GUCY2C: variants seen among roughly 807,000 people sequenced by gnomAD.
GUCY2C encodes guanylate cyclase 2C.
GUCY2C carries 118 observed loss-of-function variants against 131.1 expected under a neutral mutation model. The observed-to-expected ratio is 0.90, with a 90% CI of 0.78 to 1.05. The LOEUF (loss-of-function observed/expected upper bound fraction) is 1.05. Among genes scored for constraint, GUCY2C ranks in the 50% least tolerant of loss-of-function variants. The pLI, the probability that GUCY2C is intolerant of heterozygous loss-of-function variation, is 0.00. For missense variants in GUCY2C, 1,161 were observed against 1,304.4 expected (o/e 0.89, Z 1.69); for synonymous variants, 452 against 457.8 (o/e 0.99, Z 0.16).
intron 15 of GUCY2C, among the ~76,000 whole-genome samples, chr12:14,650,785 G>C (rs1947637582): frequency 6.6e-6 from 1 of 152,122 alleles, no homozygotes; most frequent in South Asian, 2.1e-4. Context: ...TTAATCCAAA[G>C]AAAGAGCCCT....
chr12:14,663,888 A>G (rs1410634969), intron 10 of GUCY2C, among the ~76,000 whole-genome samples: 2 of 152,220 alleles, frequency 1.3e-5, no homozygotes, highest in African/African-American at 4.8e-5. Context: ...AGGTGCTTGG[A>G]CATTAAAATA....
chr12:14,616,048 T>G (rs2136969528), intron 25 of GUCY2C, among the ~76,000 whole-genome samples: 1 of 152,240 alleles, frequency 6.6e-6, no homozygotes, highest in South Asian at 2.1e-4. Flanking sequence ...AATATTAGTG[T>G]GGTCACAAAC....
chr12:14,642,719 C>G (rs1423676473), intron 17 of GUCY2C, among the ~76,000 whole-genome samples: 2 of 152,130 alleles, frequency 1.3e-5, no homozygotes, highest in Non-Finnish European at 2.9e-5. Context: ...TTGTGTCATG[C>G]TAGGTTATCT....
At chr12:14,669,665 A>G in intron 10 of GUCY2C, 57 bp downstream of exon 10, 2 of 854,046 alleles carry the variant, frequency 2.3e-6, no homozygotes, top group Non-Finnish European at 3.9e-6. Flanking sequence ...AATAGACTTT[A>G]CTTTTCTTAC....
intron 6 of GUCY2C, among the ~76,000 whole-genome samples, chr12:14,678,808 CCTT>C (rs1489837060): frequency 6.6e-6 from 1 of 152,142 alleles, no homozygotes; most frequent in African/African-American, 2.4e-5. Flanking sequence ...GGCAGTGACA[CCTT>C]CTTCAAGCCT....
At chr12:14,678,865 C>T (rs1948290597) in intron 6 of GUCY2C, among the ~76,000 whole-genome samples, 2 of 152,052 alleles carry the variant, frequency 1.3e-5, no homozygotes, top group East Asian at 1.9e-4. Context: ...TCAGTGGGGT[C>T]TCCAACCATT....
intron 5 of GUCY2C, among the ~76,000 whole-genome samples, chr12:14,680,223 G>GCTTT (rs1488464219): frequency 2.0e-5 from 3 of 152,166 alleles, no homozygotes; most frequent in African/African-American, 7.2e-5. Context: ...AGCAACTTGG[G>GCTTT]CTTTATCTGT....
intron 25 of GUCY2C, among the ~76,000 whole-genome samples, chr12:14,615,775 G>T (rs1035413620): frequency 6.6e-6 from 1 of 151,916 alleles, no homozygotes; most frequent in Non-Finnish European, 1.5e-5. Flanking sequence ...ACTTATGGAG[G>T]ACTCAAAAAG....
chr12:14,648,318 A>C (rs998737789), intron 15 of GUCY2C, among the ~76,000 whole-genome samples: 3 of 152,188 alleles, frequency 2.0e-5, no homozygotes, highest in African/African-American at 7.2e-5. Context: ...TGTCAAAATC[A>C]GAATGGAGTC....
At chr12:14,614,430 A>G (rs1302403025) in intron 26 of GUCY2C, 1 of 159,104 alleles carries the variant, frequency 6.3e-6, no homozygotes, top group Non-Finnish European at 1.4e-5. Context: ...TAAAAATATC[A>G]TGAATACAGA....
At chr12:14,683,882 T>C (rs1296839728) in intron 3 of GUCY2C, among the ~76,000 whole-genome samples, 1 of 152,220 alleles carries the variant, frequency 6.6e-6, no homozygotes, top group Non-Finnish European at 1.5e-5. Flanking sequence ...GATTTTTTCA[T>C]TTATTTTAGT....
rs762449882 is a variant in GUCY2C, at chr12:14,621,115, G to C, written c.2703C>G (p.Leu901=). 3 of 1,614,032 alleles carry C rather than the reference G, an allele frequency of 1.9e-6. No individual in the cohort carries two copies. In the Admixed American group the frequency reaches 5.0e-5, roughly 27 times the overall value. ...IDIAKMALEI[L]SFMGTFELEH... ...CCAGCTCAAAGGTCCCCATGAAGCT[G>C]AGGATTTCCAAGGCCATCTTGGCAA... The change falls in exon 23 of 27, where the codon CTC becomes CTG. Residue 901 remains leucine, a synonymous_variant. Transcript: ENST00000261170.
At chr12:14,619,335 A>G (rs1946845885) in intron 23 of GUCY2C, 26 bp from the exon 24 acceptor site, 3 of 1,434,736 alleles carry the variant, frequency 2.1e-6, no homozygotes, top group Non-Finnish European at 3.0e-6. Flanking sequence ...GAAAGCAGGA[A>G]GTGGAGGCAA....
At chr12:14,656,751 ACACCATGTCCTCC>A (rs1221336548) in intron 11 of GUCY2C, 134 bp from the exon 12 acceptor site, 1 of 502,202 alleles carries the variant, frequency 2.0e-6, no homozygotes, top group Non-Finnish European at 3.6e-6. Context: ...CAATGACAGA[ACACCATGTCCTCC>A]AAACTGAAAA....
intron 10 of GUCY2C, among the ~76,000 whole-genome samples, chr12:14,668,620 A>G (rs1036323172): frequency 1.5e-5 from 2 of 132,470 alleles, no homozygotes; most frequent in African/African-American, 5.7e-5. Flanking sequence ...AATTTTATTG[A>G]TGGTATTTCT....
At chr12:14,664,847 GTCAT>G (rs72427445) in intron 10 of GUCY2C, among the ~76,000 whole-genome samples, 9,391 of 151,904 alleles carry the variant, frequency 0.062, 755 homozygotes, top group African/African-American at 0.19. Flanking sequence ...ATCTCATGTT[GTCAT>G]TCATTCATTC....
intron 9 of GUCY2C, among the ~76,000 whole-genome samples, chr12:14,672,632 T>C (rs1948138689): frequency 6.6e-6 from 1 of 152,210 alleles, no homozygotes; most frequent in Admixed American, 6.5e-5. Flanking sequence ...TATATGGATA[T>C]TGATATAGAG....
chr12:14,652,026 A>G lies in GUCY2C; in HGVS notation c.1538T>C (p.Val513Ala), dbSNP rs1473105814. The G allele has an allele frequency of 6.3e-7, 1 of 1,588,126 alleles. No homozygotes were observed. The highest frequency in any genetic ancestry group is 1.7e-5 in the Admixed American group (1 of 59,652). Residue 513 changes from valine (V) to alanine (A), a missense_variant, in exon 14 of 27, where the codon GTG (valine) becomes GCG (alanine). Val to Ala is a moderately conservative substitution (Grantham distance 64). Transcript: ENST00000261170. Reference protein sequence around the residue: ...LRQCKYDKKRVILKDLKHNDG... With the variant: ...LRQCKYDKKRAILKDLKHNDG... ...ATTGTGCTTGAGATCTTTGAGAATC[A>G]CTCGCTGCAAAAATCAATGAAATTT...
At chr12:14,685,798 G>T (rs372173511) in intron 3 of GUCY2C, among the ~76,000 whole-genome samples, 1 of 152,238 alleles carries the variant, frequency 6.6e-6, no homozygotes, top group East Asian at 1.9e-4. Context: ...ACCCTGGGGT[G>T]TTGCACTTTC....
Sources: gnomAD v4.1 joint callset for allele counts (sites outside exome capture counted in the v4.1 genomes callset) on GRCh38, gnomAD v4.1.1 for gene constraint, MANE v1.5 for transcripts, NCBI Gene and HGNC (gene_info 2026-07-23, HGNC 2026-07-21) for gene names.